FREM2: variants seen among roughly 807,000 people sequenced by gnomAD.
The protein encoded by FREM2 is FRAS1 related extracellular matrix 2, also known as FRAS1-related extracellular matrix protein 2.
In FREM2, 119 loss-of-function variants were observed where a neutral mutation model predicts 219.9. The observed-to-expected ratio is 0.54, with a 90% confidence interval of 0.47 to 0.63. The LOEUF is 0.63. Among genes scored for constraint, FREM2 ranks in the 30% least tolerant of loss-of-function variants. The pLI is 0.00. For synonymous variants in FREM2, 1,562 were observed against 1,522.8 expected (o/e 1.03, Z -0.60); for missense variants, 4,030 against 3,993.6 (o/e 1.01, Z -0.25).
Position 38,846,642 on chromosome 13 carries a change from T to C in FREM2, c.6089T>C (p.Val2030Ala), listed in dbSNP as rs1226616358. Residue 2030 changes from valine (V) to alanine (A), a missense_variant, in exon 7 of 24, where the codon GTG (valine) becomes GCG (alanine). Val to Ala is a moderately conservative substitution (Grantham distance 64, BLOSUM62 0). This residue lies in a region of FREM2 where 3,102 missense variants were observed against 2,950.7 expected (regional missense o/e 1.05). Coordinates refer to ENST00000280481, the MANE Select transcript of FREM2 (RefSeq NM_207361.6). ...DESAGYVEVQ[V>A]WRTGTDLSKS... Reference sequence around the variant, plus strand: ...AGTGCTGGCTATGTGGAAGTGCAGGTGTGGAGAACGGGCACTGACCTGTCC... The same window carrying C: ...AGTGCTGGCTATGTGGAAGTGCAGGCGTGGAGAACGGGCACTGACCTGTCC... 1 of 1,613,808 alleles carries C rather than the reference T, an allele frequency of 6.2e-7. No individual in the cohort carries two copies. The highest frequency in any genetic ancestry group is 8.5e-7 in the Non-Finnish European group (1 of 1,179,818).
At chr13:38,875,548 C>G (rs1362963162) in intron 18 of FREM2, among the ~76,000 whole-genome samples, 6 of 152,146 alleles carry the variant, frequency 3.9e-5, no homozygotes, top group Non-Finnish European at 7.3e-5. Flanking sequence ...CTTTGTGTAG[C>G]CATGATTGCA....
Position 38,692,204 on chromosome 13 carries a change from G to A in FREM2, c.4860G>A (p.Val1620=). Residue 1620 remains valine (V), a synonymous_variant, in exon 1 of 24, where the codon GTG becomes GTA. Transcript: ENST00000280481. ...ESSEDSFSFT[V]TDGTHTDFYV... ...GTGAAGATAGCTTCTCCTTCACAGT[G>A]ACTGATGGCACCCATACAGACTTCT... 1 of 1,614,130 alleles carries A rather than the reference G, an allele frequency of 6.2e-7. No homozygotes were observed.
chr13:38,880,533 C>T lies in FREM2; in HGVS notation c.9256C>T (p.Gln3086Ter). ...QHIALDRTKRQIPHGRAPPDG... is the reference protein window; with the variant it reads ...QHIALDRTKR ...CATTGCCCTGGACCGCACCAAGAGG[C>T]AGATCCCCCATGGGAGAGCACCTCC... The change falls in exon 24 of 24, where the codon CAG (glutamine) becomes TAG (stop). Residue 3086 changes from glutamine (Q) to a stop codon, truncating the protein, a stop_gained. Transcript: ENST00000280481. LOFTEE classifies it low-confidence loss of function (END_TRUNC). The T allele has an allele frequency of 6.2e-7, 1 of 1,614,190 alleles. No individual in the cohort carries two copies. The highest frequency in any genetic ancestry group is 8.5e-7 in the Non-Finnish European group (1 of 1,180,028).
intron 14 of FREM2, 47 bp downstream of exon 14, chr13:38,859,637 A>G (rs1276619926): frequency 2.0e-6 from 3 of 1,515,640 alleles, no homozygotes; most frequent in Admixed American, 1.7e-5. Flanking sequence ...ATACTGTGCA[A>G]TATTACAAAT....
chr13:38,756,280 G>T (rs531490358), intron 2 of FREM2, among the ~76,000 whole-genome samples: 37 of 152,274 alleles, frequency 2.4e-4, no homozygotes, highest in African/African-American at 8.7e-4. Context: ...GCTCCTAGGG[G>T]AAATACAGGG....
rs1460350755 is a variant in FREM2, at chr13:38,877,170, C to T, written c.8598C>T (p.Leu2866=). 3 of 1,614,030 alleles carry T rather than the reference C, an allele frequency of 1.9e-6. No individual in the cohort carries two copies. Among genetic ancestry groups the T allele is most frequent in the Non-Finnish European group, 2.5e-6 (3 of 1,179,916 alleles). ...GCTTGAACACCCAAATGTACCTGCT[C>T]TCTAAGAAGAGTCTCTGGTTGTCTG... The part of the protein sequence containing the change: ...EFSLNTQMYL[L]SKKSLWLSDG... The change falls in exon 21 of 24, where the codon CTC becomes CTT. Residue 2866 remains leucine (L), a synonymous_variant. Coordinates refer to ENST00000280481, the MANE Select transcript of FREM2 (RefSeq NM_207361.6).
In FREM2 at chr13:38,688,103, G is replaced by C; in HGVS notation, c.759G>C (p.Leu253=). 1 of 1,613,010 alleles carries C rather than the reference G, an allele frequency of 6.2e-7. No individual in the cohort carries two copies. Among genetic ancestry groups the C allele is most frequent in the Non-Finnish European group, 8.5e-7 (1 of 1,179,438 alleles). Residue 253 remains leucine, a synonymous_variant, in exon 1 of 24, where the codon CTG becomes CTC. Coordinates refer to ENST00000280481, the MANE Select transcript of FREM2 (RefSeq NM_207361.6). The stretch of plus-strand genomic sequence containing the variant: ...AGGGAGGCGCCCCGGAGACTCTCCT[G>C]ATGGACTGCAAAGCTTTCCAGGAAC... ...AREGGAPETL[L]MDCKAFQELG...
At chr13:38,879,422 G>A (rs1878465029) in intron 23 of FREM2, among the ~76,000 whole-genome samples, 1 of 152,114 alleles carries the variant, frequency 6.6e-6, no homozygotes, top group African/African-American at 2.4e-5. Context: ...ATTGTGCACA[G>A]CTCCACTCTC....
chr13:38,767,140 C>A (rs1173713451), intron 3 of FREM2, among the ~76,000 whole-genome samples: 3 of 152,218 alleles, frequency 2.0e-5, no homozygotes, highest in African/African-American at 7.2e-5. Flanking sequence ...TTCATAAATC[C>A]TCCACTGAGA....
chr13:38,861,461 T>C lies in FREM2; in HGVS notation c.7550T>C (p.Val2517Ala). Residue 2517 changes from valine (V) to alanine (A), a missense_variant, in exon 15 of 24, where the codon GTT (valine) becomes GCT (alanine). By Grantham distance (64) the Val-to-Ala change is moderately conservative. Coordinates refer to ENST00000280481, the MANE Select transcript of FREM2 (RefSeq NM_207361.6). ...TGTCAGCCCCGTGTACCTGGGGTTG[T>C]TGGAGCAGAGCCGTTCTCAGCTAAA... ...GLCQPRVPGV[V>A]GAEPFSAKLR... 6.2e-7 allele frequency: 1 copy of C among 1,608,280 alleles called. No homozygotes were observed. Among genetic ancestry groups the C allele is most frequent in the South Asian group, 1.1e-5 (1 of 90,942 alleles).
chr13:38,708,987 T>C (rs551682897), intron 2 of FREM2, among the ~76,000 whole-genome samples: 2 of 152,306 alleles, frequency 1.3e-5, no homozygotes, highest in South Asian at 4.1e-4. Flanking sequence ...CTTGAACTCC[T>C]GACCTCAGGT....
intron 6 of FREM2, among the ~76,000 whole-genome samples, chr13:38,790,333 C>A (rs1874511198): frequency 6.6e-6 from 1 of 152,108 alleles, no homozygotes; most frequent in Non-Finnish European, 1.5e-5. Context: ...CTCAGGACAG[C>A]CACAGTATTA....
At chr13:38,861,337 C>A in intron 14 of FREM2, 94 bp from the exon 15 acceptor site, 1 of 1,318,120 alleles carries the variant, frequency 7.6e-7, no homozygotes, top group Non-Finnish European at 1.1e-6. Context: ...GTTGAAAGTA[C>A]ACAGAAAAAT....
At chr13:38,766,160 T>C (rs967848377) in intron 3 of FREM2, among the ~76,000 whole-genome samples, 1 of 152,230 alleles carries the variant, frequency 6.6e-6, no homozygotes, top group African/African-American at 2.4e-5. Context: ...TGGATAACAT[T>C]GGGAAAGTTA....
chr13:38,816,626 G>A (rs1247605214), intron 6 of FREM2, among the ~76,000 whole-genome samples: 1 of 151,894 alleles, frequency 6.6e-6, no homozygotes, highest in South Asian at 2.1e-4. Context: ...ATCATACAGA[G>A]TGAGGAAAAA....
At chr13:38,847,576 G>A (rs1877210341) in intron 7 of FREM2, among the ~76,000 whole-genome samples, 1 of 151,952 alleles carries the variant, frequency 6.6e-6, no homozygotes, top group African/African-American at 2.4e-5. Context: ...AGAAATAAGA[G>A]CAAAGGGGAA....
intron 6 of FREM2, among the ~76,000 whole-genome samples, chr13:38,786,742 A>G (rs1465967494): frequency 5.3e-5 from 8 of 152,200 alleles, no homozygotes; most frequent in Admixed American, 5.2e-4. Context: ...AAAAAACATA[A>G]AAGTACAGAA....
In FREM2 at chr13:38,697,846, T is replaced by C. The variant is rs922168558; in HGVS notation, c.5263+59T>C. On this transcript the variant is annotated intron_variant, in intron 2 of 23. Coordinates refer to ENST00000280481, the MANE Select transcript of FREM2 (RefSeq NM_207361.6). ...GGAGAGACGCTTTTCTTGGTTGCTC[T>C]CTGATGACATTATTACAAGAAGTCT... 2.8e-5 allele frequency: 26 copies of C among 913,378 alleles called. No homozygotes were observed. In the African/African-American group the frequency reaches 3.9e-4, roughly 14 times the overall value. The allele number at this position is 913,378 out of a possible 1,614,324, so 56.6% of individuals were successfully genotyped here.
At position 38,880,308 on chromosome 13, in the gene FREM2, A is replaced by G. The variant is rs775784850; in HGVS notation, c.9031A>G (p.Ile3011Val). 5.6e-6 allele frequency: 9 copies of G among 1,614,110 alleles called. No individual in the cohort carries two copies. Among genetic ancestry groups the G allele is most frequent in the Non-Finnish European group, 7.6e-6 (9 of 1,180,006 alleles). Residue 3011 changes from isoleucine (I) to valine (V), a missense_variant, in exon 24 of 24, where the codon ATA (isoleucine) becomes GTA (valine). Physicochemically the swap from Ile to Val is conservative, Grantham distance 29. Coordinates refer to ENST00000280481, the MANE Select transcript of FREM2 (RefSeq NM_207361.6). Reference protein sequence around the residue: ...FQVALGREWYIHTIYTVRSKD... With the variant: ...FQVALGREWYVHTIYTVRSKD... ...GGTCGCTCTAGGCCGAGAATGGTATATACATACGATCTATACAGTGAGATC... is the reference window on the plus strand; with the variant it reads ...GGTCGCTCTAGGCCGAGAATGGTATGTACATACGATCTATACAGTGAGATC...
Sources: gnomAD v4.1 joint callset for allele counts (sites outside exome capture counted in the v4.1 genomes callset) on GRCh38, gnomAD v4.1.1 for gene constraint, gnomAD v4.1.1 regional missense constraint, MANE v1.5 for transcripts, NCBI Gene and HGNC (gene_info 2026-07-23, HGNC 2026-07-21) for gene names.